Variants in SHISA9 observed in about 807,000 individuals in gnomAD.
SHISA9 encodes the protein shisa family member 9, also known as protein shisa-9.
In SHISA9, 13 loss-of-function variants were observed where a neutral mutation model predicts 38.0. That is an observed-to-expected ratio of 0.34 (90% CI 0.22 to 0.54). The LOEUF (loss-of-function observed/expected upper bound fraction) is 0.54. Among genes scored for constraint, SHISA9 ranks in the 20% least tolerant of loss-of-function variants. SHISA9 has a pLI of 0.91. For missense variants in SHISA9, 538 were observed against 575.8 expected (o/e 0.93, Z 0.67); for synonymous variants, 275 against 242.0 (o/e 1.14, Z -1.27).
chr16:13,413,518 G>A, the SHISA9 span, among the ~76,000 whole-genome samples: 1 of 152,100 alleles, frequency 6.6e-6, no homozygotes, highest in African/African-American at 2.4e-5. Context: ...CACTTTGGGA[G>A]GCCGAGGTGG....
the SHISA9 span, among the ~76,000 whole-genome samples, chr16:13,312,273 A>G: frequency 6.6e-6 from 1 of 152,252 alleles, no homozygotes; most frequent in Non-Finnish European, 1.5e-5. Flanking sequence ...CTTTATTTAC[A>G]AAAACAGACA....
At chr16:13,248,269 A>G in the SHISA9 span, among the ~76,000 whole-genome samples, 1 of 152,110 alleles carries the variant, frequency 6.6e-6, no homozygotes, top group Non-Finnish European at 1.5e-5. Context: ...CTCATTTTGT[A>G]ATTCATTCAA....
chr16:13,407,065 T>C, the SHISA9 span, among the ~76,000 whole-genome samples: 1 of 99,450 alleles, frequency 1.0e-5, no homozygotes. Context: ...TGAAACTCTG[T>C]CTCACAAAAA....
the SHISA9 span, among the ~76,000 whole-genome samples, chr16:13,444,907 C>G: frequency 3.4e-5 from 5 of 149,246 alleles, no homozygotes; most frequent in East Asian, 1.0e-3. Flanking sequence ...AACCTCTGCC[C>G]CCCTGGGCTC....
intron 2 of SHISA9, among the ~76,000 whole-genome samples, chr16:13,015,165 A>G (rs2072726007): frequency 6.6e-6 from 1 of 152,096 alleles, no homozygotes; most frequent in African/African-American, 2.4e-5. Context: ...CGCCTGTTTT[A>G]TTTTTACTGG....
the SHISA9 span, among the ~76,000 whole-genome samples, chr16:13,311,382 A>G: frequency 6.6e-6 from 1 of 152,168 alleles, no homozygotes; most frequent in Non-Finnish European, 1.5e-5. Context: ...TATTAGAAAT[A>G]TAAGCTTAAA....
chr16:13,477,070 C>T, the SHISA9 span, among the ~76,000 whole-genome samples: 3 of 152,108 alleles, frequency 2.0e-5, no homozygotes, highest in Non-Finnish European at 2.9e-5. Flanking sequence ...AATGTTCTTA[C>T]GTGGTCCACC....
At chr16:13,023,054 T>C (rs1443935273) in intron 2 of SHISA9, among the ~76,000 whole-genome samples, 2 of 152,214 alleles carry the variant, frequency 1.3e-5, no homozygotes, top group Admixed American at 1.3e-4. Context: ...AGTTCTAGGG[T>C]ACATGTGCAC....
In SHISA9 at chr16:13,239,758, C is replaced by A. The variant is rs572395659; in HGVS notation, c.*4349C>A. The A allele has an allele frequency of 6.6e-6, 1 of 151,878 alleles. No homozygotes were observed. The highest frequency in any genetic ancestry group is 2.4e-5 in the African/African-American group (1 of 41,422). The allele number at this position is 151,878 out of a possible 1,614,324, so 9.4% of individuals were successfully genotyped here. A position where few individuals can be genotyped will look rare whatever the true frequency, so the allele number is the denominator to read the frequency against. Reference sequence around the variant, plus strand: ...AGCCCTTTGTCAGATGAGTAGGTTGCGAAAATTTTCTCCCATTTTGTAGGT... The same window carrying A: ...AGCCCTTTGTCAGATGAGTAGGTTGAGAAAATTTTCTCCCATTTTGTAGGT... On this transcript the variant is annotated 3_prime_UTR_variant, in exon 5 of 5. Coordinates refer to ENST00000558583, the MANE Select transcript of SHISA9 (RefSeq NM_001145204.3).
chr16:13,379,559 A>T, the SHISA9 span, among the ~76,000 whole-genome samples: 1 of 152,208 alleles, frequency 6.6e-6, no homozygotes, highest in African/African-American at 2.4e-5. Context: ...AAATGACATT[A>T]GCTGCCAACT....
At chr16:13,038,610 A>G (rs1476855011) in intron 2 of SHISA9, among the ~76,000 whole-genome samples, 1 of 152,182 alleles carries the variant, frequency 6.6e-6, no homozygotes, top group African/African-American at 2.4e-5. Context: ...TCATTCTTAT[A>G]TAACCTCCAG....
At chr16:13,334,354 C>T in the SHISA9 span, among the ~76,000 whole-genome samples, 1 of 152,208 alleles carries the variant, frequency 6.6e-6, no homozygotes, top group Non-Finnish European at 1.5e-5. Context: ...GAAGAAACAG[C>T]AACCTGCTCT....
At chr16:13,392,988 C>G in the SHISA9 span, among the ~76,000 whole-genome samples, 3 of 152,184 alleles carry the variant, frequency 2.0e-5, no homozygotes, top group Non-Finnish European at 2.9e-5. Context: ...GTCGTGGTAC[C>G]TTGTTACAGC....
At chr16:13,222,784 GTGTGTA>G (rs1302126171) in intron 4 of SHISA9, among the ~76,000 whole-genome samples, 21 of 67,090 alleles carry the variant, frequency 3.1e-4, no homozygotes, top group East Asian at 2.8e-3. Flanking sequence ...CACAAGGTGT[GTGTGTA>G]TGTATATATA....
chr16:13,408,566 T>G, the SHISA9 span, among the ~76,000 whole-genome samples: 1 of 152,224 alleles, frequency 6.6e-6, no homozygotes, highest in Admixed American at 6.5e-5. Flanking sequence ...GAAAACTTTC[T>G]CTCAGCTTCA....
the SHISA9 span, among the ~76,000 whole-genome samples, chr16:13,369,753 G>A: frequency 6.6e-6 from 1 of 152,034 alleles, no homozygotes; most frequent in Non-Finnish European, 1.5e-5. Context: ...GGGGATGTAG[G>A]GTGAGTTTGA....
At chr16:12,953,046 G>A (rs1460153525) in intron 2 of SHISA9, among the ~76,000 whole-genome samples, 1 of 152,082 alleles carries the variant, frequency 6.6e-6, no homozygotes, top group African/African-American at 2.4e-5. Context: ...ACTTCAGGAA[G>A]ATAAGGGCTG....
chr16:13,297,485 G>C, the SHISA9 span, among the ~76,000 whole-genome samples: 1 of 152,168 alleles, frequency 6.6e-6, no homozygotes, highest in Non-Finnish European at 1.5e-5. Flanking sequence ...AGTGCCTGGG[G>C]TTGAGACAGT....
intron 2 of SHISA9, among the ~76,000 whole-genome samples, chr16:13,170,679 T>C (rs1269613013): frequency 6.6e-6 from 1 of 152,316 alleles, no homozygotes; most frequent in African/African-American, 2.4e-5. Context: ...TTTTTTGAGA[T>C]GGAGTCTTGC....
Sources: allele counts gnomAD v4.1 joint callset (sites outside exome capture counted in the v4.1 genomes callset), GRCh38; gene constraint gnomAD v4.1.1; transcripts MANE v1.5; gene names NCBI Gene and HGNC (gene_info 2026-07-23, HGNC 2026-07-21).